Variants in HOOK3 observed in about 807,000 individuals in gnomAD.
HOOK3 encodes protein Hook homolog 3.
In HOOK3, 24 loss-of-function variants were observed where a neutral mutation model predicts 116.3. That is an observed-to-expected ratio of 0.21 (90% CI 0.15 to 0.29). The LOEUF is 0.29. Among genes scored for constraint, HOOK3 ranks in the 10% least tolerant of loss-of-function variants. The pLI, the probability that HOOK3 is intolerant of heterozygous loss-of-function variation, is 1.00. For missense variants in HOOK3, 632 were observed against 830.2 expected, an observed-to-expected ratio of 0.76 and a Z score of 2.93; for synonymous variants, 275 against 283.0, an observed-to-expected ratio of 0.97 and a Z score of 0.28.
chr8:42,949,996 T>G (rs1049095485), intron 5 of HOOK3, among the ~76,000 whole-genome samples: 15 of 151,948 alleles, frequency 9.9e-5, no homozygotes, highest in Non-Finnish European at 1.8e-4. Context: ...GAGTTCAAAG[T>G]TTTTTTTGTT....
intron 13 of HOOK3, among the ~76,000 whole-genome samples, chr8:42,978,618 T>C (rs932494110): frequency 6.6e-6 from 1 of 152,122 alleles, no homozygotes; most frequent in Non-Finnish European, 1.5e-5. Flanking sequence ...TTCACCATGT[T>C]GGCCAGGCTG....
intron 2 of HOOK3, among the ~76,000 whole-genome samples, chr8:42,915,560 T>C (rs1807517061): frequency 6.6e-6 from 1 of 152,150 alleles, no homozygotes; most frequent in Non-Finnish European, 1.5e-5. Flanking sequence ...GCCTCCCAGT[T>C]AGCTGGGATT....
chr8:42,930,873 T>A (rs1410276340), intron 4 of HOOK3, among the ~76,000 whole-genome samples: 1 of 152,178 alleles, frequency 6.6e-6, no homozygotes. Context: ...TCTTTCTCCA[T>A]CTGTGCGGCC....
At chr8:42,971,093 C>G (rs1160142246) in intron 11 of HOOK3, among the ~76,000 whole-genome samples, 2 of 150,876 alleles carry the variant, frequency 1.3e-5, no homozygotes, top group East Asian at 4.0e-4. Flanking sequence ...AGCCCAATTT[C>G]TCCCTTTCTA....
At chr8:43,016,218 C>T (rs111389502) in intron 21 of HOOK3, among the ~76,000 whole-genome samples, 2,170 of 149,610 alleles carry the variant, frequency 0.015, 53 homozygotes, top group African/African-American at 0.051. Context: ...CCTGGGTTCA[C>T]GCCATCCTCT....
rs1180889070 is a variant in HOOK3, at chr8:43,023,275, A to G, written c.*4777A>G. 1 of 179,008 alleles carries G rather than the reference A, an allele frequency of 5.6e-6. No individual in the cohort carries two copies. The highest frequency in any genetic ancestry group is 2.4e-5 in the African/African-American group (1 of 42,308). The allele number at this position is 179,008 out of a possible 1,614,324, so 11.1% of individuals were successfully genotyped here. A position where few individuals can be genotyped will look rare whatever the true frequency, so the allele number is the denominator to read the frequency against. The stretch of plus-strand genomic sequence containing the variant: ...CAGTAGTTCTCACAGAAGAATGAAA[A>G]TCCGTGCTGTGCAAATAGATCAGTA... On this transcript the variant is annotated 3_prime_UTR_variant, in exon 22 of 22. Transcript: ENST00000307602.
At chr8:42,960,062 AATTGCATTT>A (rs1322296200) in intron 8 of HOOK3, among the ~76,000 whole-genome samples, 2 of 152,228 alleles carry the variant, frequency 1.3e-5, no homozygotes, top group Non-Finnish European at 2.9e-5. Context: ...AAGTGCCATT[AATTGCATTT>A]CAGATTTTAG....
chr8:42,946,907 T>C (rs903576008), intron 5 of HOOK3, among the ~76,000 whole-genome samples: 3 of 151,918 alleles, frequency 2.0e-5, no homozygotes, highest in Middle Eastern at 3.4e-3. Flanking sequence ...TAGCTGGGAT[T>C]ACAGGTGCAC....
At chr8:42,929,975 A>G (rs1385421260) in intron 3 of HOOK3, 147 bp from the exon 4 acceptor site, 3 of 675,908 alleles carry the variant, frequency 4.4e-6, no homozygotes, top group Non-Finnish European at 7.2e-6. Flanking sequence ...GATGATGATG[A>G]TAATTCAAAT....
rs1342319272 is a variant in HOOK3 at position 43,025,193 on chromosome 8, T to C, written c.*6695T>C. 1.9e-5 allele frequency: 4 copies of C among 205,722 alleles called. No individual in the cohort carries two copies. Among genetic ancestry groups the C allele is most frequent in the Non-Finnish European group, 4.0e-5 (4 of 100,628 alleles). The allele number at this position is 205,722 out of a possible 1,614,324, so 12.7% of individuals were successfully genotyped here. A position where few individuals can be genotyped will look rare whatever the true frequency, so the allele number is the denominator to read the frequency against. On this transcript the variant is annotated 3_prime_UTR_variant, in exon 22 of 22. Transcript: ENST00000307602. The stretch of plus-strand genomic sequence containing the variant: ...GTTATAAATGTTTTCCTATGATAGA[T>C]AAATATATAGATATAGATCAGGAAT...
chr8:42,987,040 T>C (rs932805742), intron 15 of HOOK3, among the ~76,000 whole-genome samples: 12 of 152,086 alleles, frequency 7.9e-5, no homozygotes, highest in Non-Finnish European at 1.8e-4. Flanking sequence ...TGCATGCCTG[T>C]GGTCCCAGCT....
chr8:42,994,868 G>A (rs1353103137), intron 15 of HOOK3, among the ~76,000 whole-genome samples: 1 of 152,180 alleles, frequency 6.6e-6, no homozygotes, highest in Non-Finnish European at 1.5e-5. Flanking sequence ...GTTTTATGAT[G>A]TTTACAATGG....
intron 17 of HOOK3, among the ~76,000 whole-genome samples, chr8:43,003,345 G>A (rs1196357491): frequency 6.6e-6 from 1 of 152,178 alleles, no homozygotes; most frequent in Admixed American, 6.5e-5. Flanking sequence ...AATTCAAGCA[G>A]TGGGCAGATT....
chr8:42,952,840 A>G (rs922516115), intron 6 of HOOK3, among the ~76,000 whole-genome samples: 1 of 152,174 alleles, frequency 6.6e-6, no homozygotes, highest in African/African-American at 2.4e-5. Context: ...CCCAAGCAAG[A>G]TATGAGTTTA....
At chr8:42,960,568 A>G (rs1563301658) in intron 8 of HOOK3, among the ~76,000 whole-genome samples, 3 of 152,228 alleles carry the variant, frequency 2.0e-5, no homozygotes, top group Non-Finnish European at 1.5e-5. Context: ...GTAAAACAGG[A>G]GTGATGAAGG....
At chr8:42,910,033 G>A (rs1274109048) in intron 2 of HOOK3, among the ~76,000 whole-genome samples, 1 of 152,200 alleles carries the variant, frequency 6.6e-6, no homozygotes, top group Non-Finnish European at 1.5e-5. Flanking sequence ...GGTGACCATA[G>A]TTGTTAATAC....
At chr8:43,008,720 C>T (rs1489286470) in intron 18 of HOOK3, among the ~76,000 whole-genome samples, 1 of 143,590 alleles carries the variant, frequency 7.0e-6, no homozygotes, top group African/African-American at 2.6e-5. Flanking sequence ...AGTGCAGTGG[C>T]GGGATCTCGG....
In HOOK3 at chr8:42,980,890, GAA is replaced by G. The variant is rs374076023; in HGVS notation, c.1322-1733_1322-1732del. Among the ~76,000 whole-genome samples, 210 of 151,714 alleles carry G rather than the reference GAA, an allele frequency of 1.4e-3. 1 individual carries two copies. The highest frequency in any genetic ancestry group is 4.7e-3 in the African/African-American group (194 of 41,416). On this transcript the variant is annotated intron_variant, in intron 13 of 21. Transcript: ENST00000307602. ...CAAGAGTGAAACTCCTCAATAAAAA[GAA>G]AAAGAGACCTGAGCGAACAAGTGAG...
intron 12 of HOOK3, among the ~76,000 whole-genome samples, chr8:42,973,904 G>C (rs931141837): frequency 1.3e-5 from 2 of 152,188 alleles, no homozygotes; most frequent in African/African-American, 4.8e-5. Context: ...ATATTGCCCT[G>C]CACATAGTAG....
Sources: gnomAD v4.1 joint callset for allele counts (sites outside exome capture counted in the v4.1 genomes callset) on GRCh38, gnomAD v4.1.1 for gene constraint, MANE v1.5 for transcripts, NCBI Gene and HGNC (gene_info 2026-07-23, HGNC 2026-07-21) for gene names.